The following SULT4A1 variants were observed in gnomAD, a reference collection of about 807,000 sequenced individuals.
SULT4A1 encodes the protein sulfotransferase family 4A member 1.
In SULT4A1, 11 loss-of-function variants were observed where a neutral mutation model predicts 35.2. The observed-to-expected ratio is 0.31, with a 90% CI of 0.20 to 0.52. SULT4A1 has a LOEUF of 0.52. Ranked by LOEUF, SULT4A1 falls within the 20% of genes least tolerant of loss-of-function variation. The pLI is 0.97. For missense variants in SULT4A1, 271 were observed against 383.7 expected (o/e 0.71, Z 2.45); for synonymous variants, 152 against 151.8 (o/e 1.00, Z -0.01).
At chr22:43,843,652 G>T (rs2063451121) in intron 1 of SULT4A1, among the ~76,000 whole-genome samples, 1 of 152,232 alleles carries the variant, frequency 6.6e-6, no homozygotes, top group African/African-American at 2.4e-5. Context: ...AGGCTTTGAG[G>T]AGCTTCCAAA....
chr22:43,837,318 T>G (rs776141290), intron 4 of SULT4A1, among the ~76,000 whole-genome samples: 9 of 152,162 alleles, frequency 5.9e-5, no homozygotes, highest in Non-Finnish European at 8.8e-5. Context: ...AGGCCTATAT[T>G]AAGAGAACTG....
chr22:43,836,193 CCG>C (rs1393651124), intron 4 of SULT4A1, among the ~76,000 whole-genome samples: 28 of 134,328 alleles, frequency 2.1e-4, no homozygotes, highest in African/African-American at 3.3e-4. Flanking sequence ...ACAGCGTCCT[CCG>C]ACTGCAGGTG....
chr22:43,827,459 C>A (rs1308060617), intron 6 of SULT4A1: 9 of 1,233,784 alleles, frequency 7.3e-6, no homozygotes, highest in Non-Finnish European at 9.4e-6. Context: ...ACTATTTTTC[C>A]ATGATTATTT....
intron 5 of SULT4A1, among the ~76,000 whole-genome samples, chr22:43,831,948 G>A (rs1399262462): frequency 1.3e-5 from 2 of 152,250 alleles, no homozygotes; most frequent in Non-Finnish European, 2.9e-5. Flanking sequence ...GCCCGTGCCA[G>A]GCCTGCACGT....
At chr22:43,844,925 T>C (rs2063463040) in intron 1 of SULT4A1, among the ~76,000 whole-genome samples, 2 of 152,162 alleles carry the variant, frequency 1.3e-5, no homozygotes, top group Non-Finnish European at 2.9e-5. Flanking sequence ...GCTGACCACA[T>C]GCACTGGTGC....
chr22:43,826,788 G>C lies in SULT4A1; in HGVS notation c.743-675C>G, dbSNP rs1013241324. The C allele has an allele frequency of 3.0e-6, 3 of 985,294 alleles. No individual in the cohort carries two copies. The African/African-American group carries it at 5.2e-5, about 17-fold the overall frequency. The allele number at this position is 985,294 out of a possible 1,614,324, so 61.0% of individuals were successfully genotyped here. A position where few individuals can be genotyped will look rare whatever the true frequency, so the allele number is the denominator to read the frequency against. On this transcript the variant is annotated intron_variant, in intron 6 of 6. Transcript: ENST00000330884. ...CATTAGCTAGCTTTACAGACTAGAT[G>C]CAAAACATGCACTGCAGTGAGAATT...
intron 3 of SULT4A1, 48 bp from the exon 4 acceptor site, chr22:43,839,041 G>A (rs2063401672): frequency 1.2e-6 from 2 of 1,605,926 alleles, no homozygotes; most frequent in African/African-American, 2.7e-5. Context: ...TCCCTCCCAG[G>A]CAGGGCTGCC....
At chr22:43,854,072 AG>A (rs1351200826) in intron 1 of SULT4A1, among the ~76,000 whole-genome samples, 1 of 152,236 alleles carries the variant, frequency 6.6e-6, no homozygotes, top group Non-Finnish European at 1.5e-5. Context: ...TCAAGACATC[AG>A]TGGTGGTTTG....
chr22:43,826,009 A>G lies in SULT4A1; in HGVS notation c.847T>C (p.Tyr283His). ...GGTTGTTGTTTCTGTTATTATAAAT[A>G]AAAGTCAAACGTGAGGTCACACTTT... ...MGKCDLTFDFYL is the reference protein window; with the variant it reads ...MGKCDLTFDFHL Residue 283 changes from tyrosine (Y) to histidine (H), a missense_variant, in exon 7 of 7, where the codon TAT (tyrosine) becomes CAT (histidine). Tyr to His is a moderately conservative substitution (Grantham distance 83). Around this residue, in one of 3 missense-constraint regions of SULT4A1, gnomAD observed 32 missense variants for 61.9 expected, o/e 0.52. Coordinates refer to ENST00000330884, the MANE Select transcript of SULT4A1 (RefSeq NM_014351.4). 6.2e-7 allele frequency: 1 copy of G among 1,613,936 alleles called. No homozygotes were observed. The highest frequency in any genetic ancestry group is 8.5e-7 in the Non-Finnish European group (1 of 1,179,904).
intron 1 of SULT4A1, among the ~76,000 whole-genome samples, chr22:43,854,708 T>C (rs2049382353): frequency 6.6e-6 from 1 of 152,156 alleles, no homozygotes; most frequent in Admixed American, 6.5e-5. Flanking sequence ...AGTTGGCACC[T>C]GCCCCCCACA....
At position 43,829,067 on chromosome 22, in the gene SULT4A1, C is replaced by G; in HGVS notation, c.735G>C (p.Val245=). The G allele has an allele frequency of 6.5e-7, 1 of 1,530,274 alleles. No homozygotes were observed. Among genetic ancestry groups the G allele is most frequent in the Admixed American group, 2.0e-5 (1 of 49,358 alleles). The allele number at this position is 1,530,274 out of a possible 1,614,324, so 94.8% of individuals were successfully genotyped here. A position where few individuals can be genotyped will look rare whatever the true frequency, so the allele number is the denominator to read the frequency against. ...DQCCNAEALP[V]GRGRVGLWKD... ...GCAGGGTGGGGCACGTACCCCGGCCCACGGGCAGGGCCTCAGCGTTGCAGC... is the reference window on the plus strand; with the variant it reads ...GCAGGGTGGGGCACGTACCCCGGCCGACGGGCAGGGCCTCAGCGTTGCAGC... The change falls in exon 6 of 7, where the codon GTG becomes GTC. Residue 245 remains valine, a synonymous_variant. Transcript: ENST00000330884.
rs1468576792 is a variant in SULT4A1, at chr22:43,825,223, ACT to A, written c.*776_*777del. On this transcript the variant is annotated 3_prime_UTR_variant, in exon 7 of 7. Transcript: ENST00000330884. ...GCGCAACTCGGTCCTTTGGTGGCCGACTCTCCACCCACTGCATGCAAATGCTC... is the reference window on the plus strand; with the variant it reads ...GCGCAACTCGGTCCTTTGGTGGCCGACTCCACCCACTGCATGCAAATGCTC... 1 of 151,390 alleles carries A rather than the reference ACT, an allele frequency of 6.6e-6. No individual in the cohort carries two copies. The highest frequency in any genetic ancestry group is 1.5e-5 in the Non-Finnish European group (1 of 67,866). The allele number at this position is 151,390 out of a possible 1,614,324, so 9.4% of individuals were successfully genotyped here.
chr22:43,848,401 C>A (rs1048745033), intron 1 of SULT4A1, among the ~76,000 whole-genome samples: 7 of 152,378 alleles, frequency 4.6e-5, no homozygotes, highest in Non-Finnish European at 7.3e-5. Context: ...AACCTGGCAA[C>A]CCTCATCCAC....
intron 1 of SULT4A1, among the ~76,000 whole-genome samples, chr22:43,858,330 G>T (rs2049426824): frequency 1.3e-5 from 2 of 152,150 alleles, no homozygotes; most frequent in Non-Finnish European, 2.9e-5. Context: ...TCTTCCTCCA[G>T]AAGTCATTCT....
intron 1 of SULT4A1, among the ~76,000 whole-genome samples, chr22:43,854,146 C>T (rs2049375457): frequency 1.3e-5 from 2 of 152,206 alleles, no homozygotes. Context: ...CAATGGCAGA[C>T]AGGGCAATGA....
intron 6 of SULT4A1, chr22:43,826,578 C>A: frequency 1.0e-6 from 1 of 985,364 alleles, no homozygotes; most frequent in Non-Finnish European, 1.2e-6. Flanking sequence ...CCACTCACAG[C>A]TCAACAGTGC....
In SULT4A1 at chr22:43,826,027, C is replaced by A; in HGVS notation, c.829G>T (p.Asp277Tyr). The change falls in exon 7 of 7, where the codon GAC (aspartate) becomes TAC (tyrosine). Residue 277 changes from aspartate (D) to tyrosine (Y), a missense_variant. This residue lies in a region of SULT4A1 where 32 missense variants were observed against 61.9 expected (regional missense o/e 0.52). Coordinates refer to ENST00000330884, the MANE Select transcript of SULT4A1 (RefSeq NM_014351.4). The part of the protein sequence containing the change: ...LVYKQKMGKC[D>Y]LTFDFYL ...TATAAATAAAAGTCAAACGTGAGGT[C>A]ACACTTTCCCATCTTCTGTTTATAC... is the stretch of plus-strand genomic sequence containing the variant. The A allele has an allele frequency of 6.2e-7, 1 of 1,614,094 alleles. No homozygotes were observed. Among genetic ancestry groups the A allele is most frequent in the South Asian group, 1.1e-5 (1 of 91,048 alleles).
intron 1 of SULT4A1, among the ~76,000 whole-genome samples, chr22:43,848,912 G>C (rs898487511): frequency 1.3e-5 from 2 of 152,228 alleles, no homozygotes; most frequent in African/African-American, 4.8e-5. Flanking sequence ...AGTGACTCGA[G>C]CCAAACGCTC....
intron 1 of SULT4A1, among the ~76,000 whole-genome samples, chr22:43,850,832 C>G (rs949707489): frequency 6.6e-6 from 1 of 152,070 alleles, no homozygotes; most frequent in Admixed American, 6.5e-5. Flanking sequence ...CGCTTTCCGT[C>G]ATCCTGTCTT....
Sources: allele counts gnomAD v4.1 joint callset (sites outside exome capture counted in the v4.1 genomes callset), GRCh38; gene constraint gnomAD v4.1.1; regional missense constraint gnomAD v4.1.1; transcripts MANE v1.5; gene names NCBI Gene and HGNC (gene_info 2026-07-23, HGNC 2026-07-21).